MYOCD: variants seen among roughly 807,000 people sequenced by gnomAD.
The protein encoded by MYOCD is myocardin.
A neutral mutation model predicts 96.1 loss-of-function variants in MYOCD; 32 were observed. That is an observed-to-expected ratio of 0.33 (90% CI 0.25 to 0.45). MYOCD has a LOEUF of 0.45. Ranked by LOEUF, MYOCD falls within the 20% of genes least tolerant of loss-of-function variation. The pLI is 1.00. For missense variants in MYOCD, 1,133 were observed against 1,200.6 expected, an observed-to-expected ratio of 0.94 and a Z score of 0.83; for synonymous variants, 469 against 469.0, an observed-to-expected ratio of 1.00 and a Z score of 0.00.
At position 12,744,413 on chromosome 17, in the gene MYOCD, A is replaced by G. The variant is rs371280008; in HGVS notation, c.948A>G (p.Leu316=). 1.9e-6 allele frequency: 3 copies of G among 1,612,910 alleles called. No individual in the cohort carries two copies. The highest frequency in any genetic ancestry group is 2.5e-6 in the Non-Finnish European group (3 of 1,179,394). The change falls in exon 8 of 14, where the codon CTA becomes CTG. Residue 316 remains leucine (L), a synonymous_variant. Coordinates refer to ENST00000425538, the MANE Select transcript of MYOCD (RefSeq NM_001146312.3). ...AGCAGCAACACCGATTCAGCTACCT[A>G]GGGATGCACCAAGCTCAGCTTAAGT... ...QQQQQHRFSY[L]GMHQAQLKEP...
chr17:12,757,959 C>T (rs76515510), intron 11 of MYOCD, 126 bp from the exon 12 acceptor site: 1 of 719,878 alleles, frequency 1.4e-6, no homozygotes, highest in African/African-American at 1.8e-5. Context: ...ATTTTCTAAG[C>T]CCTGGACTTT....
At chr17:12,733,827 C>G (rs2032253188) in intron 5 of MYOCD, among the ~76,000 whole-genome samples, 1 of 148,688 alleles carries the variant, frequency 6.7e-6, no homozygotes, top group Admixed American at 6.8e-5. Flanking sequence ...GATCATGTCA[C>G]TGCACTCCAG....
chr17:12,668,244 C>T (rs1909481701), intron 1 of MYOCD, among the ~76,000 whole-genome samples: 1 of 152,162 alleles, frequency 6.6e-6, no homozygotes, highest in Admixed American at 6.5e-5. Context: ...TTTCCCTTCT[C>T]TTTCATCATC....
In MYOCD at chr17:12,746,076, T is replaced by G. The variant is rs756385473; in HGVS notation, c.1125+4T>G. 4.3e-6 allele frequency: 7 copies of G among 1,613,248 alleles called. No homozygotes were observed. In the African/African-American group the frequency reaches 9.3e-5, roughly 22 times the overall value. ...ACCTAACCTGGATGATCTGAAGGTA[T>G]AGGATTTGACATGAGTTTCTTTCTT... On this transcript the variant is annotated splice_donor_region_variant and intron_variant, in intron 9 of 13. Coordinates refer to ENST00000425538, the MANE Select transcript of MYOCD (RefSeq NM_001146312.3).
chr17:12,744,245 G>A lies in MYOCD; in HGVS notation c.780G>A (p.Val260=). ...AGCCCAAGGACCCCAAGCCAAAGGT[G>A]AAGAAGCTTAAATATCACCAGTACA... ...HKKPKDPKPK[V]KKLKYHQYIP... The change falls in exon 8 of 14, where the codon GTG becomes GTA. Residue 260 remains valine (V), a synonymous_variant. Transcript: ENST00000425538. The A allele has an allele frequency of 1.9e-6, 3 of 1,614,196 alleles. No homozygotes were observed. The highest frequency in any genetic ancestry group is 2.5e-6 in the Non-Finnish European group (3 of 1,180,030).
At chr17:12,707,884 A>G (rs2031350249) in intron 2 of MYOCD, among the ~76,000 whole-genome samples, 1 of 152,210 alleles carries the variant, frequency 6.6e-6, no homozygotes, top group East Asian at 1.9e-4. Flanking sequence ...AGAAAAGTTA[A>G]TCATCCTCAG....
intron 1 of MYOCD, among the ~76,000 whole-genome samples, chr17:12,698,867 C>T (rs1007065829): frequency 3.3e-5 from 5 of 150,116 alleles, no homozygotes; most frequent in South Asian, 2.1e-4. Flanking sequence ...CTCAGCCTCC[C>T]GAGTAGTTGG....
chr17:12,725,787 T>A (rs2031982364), intron 5 of MYOCD, among the ~76,000 whole-genome samples: 1 of 152,042 alleles, frequency 6.6e-6, no homozygotes, highest in African/African-American at 2.4e-5. Context: ...GTCACTCACA[T>A]CTGTATATGA....
intron 2 of MYOCD, among the ~76,000 whole-genome samples, chr17:12,709,834 T>C (rs1414638074): frequency 1.3e-5 from 2 of 152,216 alleles, no homozygotes; most frequent in Non-Finnish European, 2.9e-5. Flanking sequence ...TCATTTCTTA[T>C]GCAAATTTTC....
In MYOCD at chr17:12,698,154, C is replaced by T. The variant is rs77778193; in HGVS notation, c.56-6974C>T. On this transcript the variant is annotated intron_variant, in intron 1 of 13. Coordinates refer to ENST00000425538, the MANE Select transcript of MYOCD (RefSeq NM_001146312.3). ...AGTAATCTTATAAAAAGGGAGTTTACGGAAATTGATCTGCTAATGCTGCGT... is the reference window on the plus strand; with the variant it reads ...AGTAATCTTATAAAAAGGGAGTTTATGGAAATTGATCTGCTAATGCTGCGT... Among the ~76,000 whole-genome samples, 112 of 152,162 alleles carry T rather than the reference C, an allele frequency of 7.4e-4. 4 individuals are homozygous for T. In the East Asian group the frequency reaches 0.02, roughly 28 times the overall value.
intron 9 of MYOCD, among the ~76,000 whole-genome samples, chr17:12,746,691 T>G (rs991944506): frequency 6.7e-6 from 1 of 149,726 alleles, no homozygotes; most frequent in African/African-American, 2.5e-5. Flanking sequence ...GTAATTAGTA[T>G]AGGTATAAGG....
At chr17:12,701,916 T>A (rs1288559157) in intron 1 of MYOCD, among the ~76,000 whole-genome samples, 2 of 152,122 alleles carry the variant, frequency 1.3e-5, no homozygotes, top group Non-Finnish European at 2.9e-5. Context: ...GAAAACATAC[T>A]CTATATGAGA....
At chr17:12,721,519 T>A (rs2031839341) in intron 4 of MYOCD, among the ~76,000 whole-genome samples, 1 of 151,568 alleles carries the variant, frequency 6.6e-6, no homozygotes, top group Non-Finnish European at 1.5e-5. Context: ...AAGTTCAAGG[T>A]GGGGAAAGGA....
intron 1 of MYOCD, among the ~76,000 whole-genome samples, chr17:12,686,124 TG>T: frequency 6.6e-6 from 1 of 152,324 alleles, no homozygotes; most frequent in East Asian, 1.9e-4. Flanking sequence ...CAAGAAATAT[TG>T]TAATCTCATG....
intron 1 of MYOCD, among the ~76,000 whole-genome samples, chr17:12,690,086 TA>T (rs575679431): frequency 6.6e-6 from 1 of 151,862 alleles, no homozygotes; most frequent in South Asian, 2.1e-4. Flanking sequence ...AAAGGCAAAC[TA>T]AAAAAACCAA....
intron 4 of MYOCD, chr17:12,720,352 T>C (rs1364603888): frequency 6.6e-6 from 1 of 152,128 alleles, no homozygotes; most frequent in Non-Finnish European, 1.5e-5. Context: ...TCTCAGCATG[T>C]GGAAGGTTTT....
In MYOCD at chr17:12,703,333, TG is replaced by T. The variant is rs527421546; in HGVS notation, c.56-1794del. 2.9e-4 allele frequency among the ~76,000 whole-genome samples: 44 copies of T among 152,186 alleles called. No homozygotes were observed. In the East Asian group the frequency reaches 8.5e-3, roughly 29 times the overall value. On this transcript the variant is annotated intron_variant, in intron 1 of 13. Coordinates refer to ENST00000425538, the MANE Select transcript of MYOCD (RefSeq NM_001146312.3). Reference sequence around the variant, plus strand: ...TATTATGTATCTAAGTGTGGTTTTCTGTGAATATATTTGGTGTAGGGTTTAC... The same window carrying T: ...TATTATGTATCTAAGTGTGGTTTTCTTGAATATATTTGGTGTAGGGTTTAC...
At chr17:12,752,331 G>A (rs1597808389) in intron 9 of MYOCD, 83 bp from the exon 10 acceptor site, 1 of 1,215,944 alleles carries the variant, frequency 8.2e-7, no homozygotes, top group Non-Finnish European at 1.2e-6. Flanking sequence ...CATTTGTGAT[G>A]TTTTGAAGCT....
At chr17:12,729,377 G>A (rs557050906) in intron 5 of MYOCD, among the ~76,000 whole-genome samples, 4 of 152,124 alleles carry the variant, frequency 2.6e-5, no homozygotes, top group African/African-American at 7.2e-5. Context: ...GAAAGGAAGT[G>A]CCTGGAGTCT....
Sources: gnomAD v4.1 joint callset for allele counts (sites outside exome capture counted in the v4.1 genomes callset) on GRCh38, gnomAD v4.1.1 for gene constraint, MANE v1.5 for transcripts, NCBI Gene and HGNC (gene_info 2026-07-23, HGNC 2026-07-21) for gene names.